IL4R: variants seen among roughly 807,000 people sequenced by gnomAD.
IL4R encodes interleukin 4 receptor.
IL4R carries 17 observed loss-of-function variants against 41.5 expected under a neutral mutation model. The observed-to-expected ratio is 0.41, with a 90% CI of 0.28 to 0.61. IL4R has a LOEUF of 0.61. Among genes scored for constraint, IL4R ranks in the 20% least tolerant of loss-of-function variants. The probability of loss-of-function intolerance (pLI) is 0.31; values close to 1 mark genes in which losing one functional copy is unlikely to be tolerated. For missense variants in IL4R, 974 were observed against 1,043.1 expected (o/e 0.93, Z 0.91); for synonymous variants, 402 against 422.9 (o/e 0.95, Z 0.61).
chr16:27,346,237 A>G (rs559477602), intron 5 of IL4R, among the ~76,000 whole-genome samples: 1 of 152,338 alleles, frequency 6.6e-6, no homozygotes, highest in East Asian at 1.9e-4. Flanking sequence ...AAAAGAAGAA[A>G]AAAAGGGTAA....
At chr16:27,353,061 G>A (rs976235603) in intron 7 of IL4R, among the ~76,000 whole-genome samples, 4 of 152,202 alleles carry the variant, frequency 2.6e-5, no homozygotes, top group Non-Finnish European at 5.9e-5. Context: ...CTACTTTTGT[G>A]TCCTGGTTTC....
At chr16:27,320,825 G>A (rs995921611) in intron 1 of IL4R, among the ~76,000 whole-genome samples, 1 of 152,196 alleles carries the variant, frequency 6.6e-6, no homozygotes, top group Admixed American at 6.5e-5. Flanking sequence ...AGCTGGCAGG[G>A]CCACAGCCTC....
intron 6 of IL4R, among the ~76,000 whole-genome samples, chr16:27,350,302 C>A (rs867832214): frequency 9.9e-5 from 15 of 152,114 alleles, no homozygotes; most frequent in African/African-American, 3.4e-4. Context: ...CTTGTTTGCT[C>A]ATGTTTAGAA....
intron 1 of IL4R, chr16:27,314,362 G>C (rs1424075679): frequency 2.6e-5 from 4 of 152,676 alleles, no homozygotes; most frequent in African/African-American, 7.2e-5. Flanking sequence ...GGGCAGTGGC[G>C]CCCAGCCCTG....
chr16:27,338,604 T>C (rs1283666880), intron 2 of IL4R, among the ~76,000 whole-genome samples: 2 of 152,120 alleles, frequency 1.3e-5, no homozygotes, highest in Non-Finnish European at 2.9e-5. Context: ...CTTCATCCCA[T>C]TGTAGTCATA....
Position 27,352,291 on chromosome 16 carries a change from A to C in IL4R, c.514-249A>C, listed in dbSNP as rs550735634. ...ACAGATGAGATTGAATTATCTCACGAAAACTCAGAAAGGTTAAACAACTTG... is the reference window on the plus strand; with the variant it reads ...ACAGATGAGATTGAATTATCTCACGCAAACTCAGAAAGGTTAAACAACTTG... On this transcript the variant is annotated intron_variant, in intron 6 of 10. Coordinates refer to ENST00000395762, the MANE Select transcript of IL4R (RefSeq NM_000418.4). 2.1e-4 allele frequency among the ~76,000 whole-genome samples: 32 copies of C among 152,348 alleles called. No individual in the cohort carries two copies. The South Asian group carries it at 4.6e-3, about 22-fold the overall frequency.
rs369743148 is a variant in IL4R at position 27,326,594 on chromosome 16, A to G, written c.-151-3472A>G. Reference sequence around the variant, plus strand: ...GGCAGGAGGATCACTTGAGCCCAGGAGTTCAAGGCTGCACTGAGCCGTGAC... The same window carrying G: ...GGCAGGAGGATCACTTGAGCCCAGGGGTTCAAGGCTGCACTGAGCCGTGAC... On this transcript the variant is annotated intron_variant, in intron 1 of 10. Coordinates refer to ENST00000395762, the MANE Select transcript of IL4R (RefSeq NM_000418.4). 2.1e-3 allele frequency among the ~76,000 whole-genome samples: 322 copies of G among 152,288 alleles called. 2 individuals carry two copies. Among genetic ancestry groups the G allele is most frequent in the African/African-American group, 7.3e-3 (305 of 41,572 alleles).
At chr16:27,323,422 T>C (rs2084869182) in intron 1 of IL4R, among the ~76,000 whole-genome samples, 1 of 152,138 alleles carries the variant, frequency 6.6e-6, no homozygotes, top group Non-Finnish European at 1.5e-5. Context: ...AAAAGAGTGG[T>C]GTATAAAAAA....
chr16:27,325,536 T>G (rs1033793832), intron 1 of IL4R, among the ~76,000 whole-genome samples: 30 of 150,890 alleles, frequency 2.0e-4, no homozygotes, highest in Admixed American at 6.6e-4. Context: ...ATCCCACCAT[T>G]GCACTCCAGC....
intron 8 of IL4R, among the ~76,000 whole-genome samples, chr16:27,358,476 T>TTCCCAGGCCA: frequency 6.6e-6 from 1 of 152,212 alleles, no homozygotes; most frequent in East Asian, 1.9e-4. Flanking sequence ...GTCCCCCAGC[T>TTCCCAGGCCA]TCCCAGGCCA....
chr16:27,353,462 ATAAT>A (rs1227360928), intron 7 of IL4R, among the ~76,000 whole-genome samples: 3 of 152,182 alleles, frequency 2.0e-5, no homozygotes, highest in Admixed American at 6.5e-5. Context: ...AGATCTATAA[ATAAT>A]AAGTTCTAGG....
intron 6 of IL4R, 23 bp from the exon 7 acceptor site, chr16:27,352,517 A>T (rs375813212): frequency 5.6e-6 from 9 of 1,610,420 alleles, no homozygotes; most frequent in Non-Finnish European, 7.6e-6. Flanking sequence ...CTGGTGCCCT[A>T]ACATCTCCCT....
rs1038434113 is a variant in IL4R, at chr16:27,364,316, C to T, written c.*486C>T. ...AATGACTTGGGCGGCCTTGGGAAAT[C>T]GATGAGAAATTGAACTTCAGGGAGG... On this transcript the variant is annotated 3_prime_UTR_variant, in exon 11 of 11. Coordinates refer to ENST00000395762, the MANE Select transcript of IL4R (RefSeq NM_000418.4). The T allele has an allele frequency of 1.9e-5, 3 of 159,342 alleles. No homozygotes were observed. Among genetic ancestry groups the T allele is most frequent in the African/African-American group, 4.8e-5 (2 of 41,572 alleles). 9.9% of individuals were successfully genotyped at this position (159,342 alleles called of 1,614,324 possible).
At chr16:27,316,409 T>G (rs2084652420) in intron 1 of IL4R, among the ~76,000 whole-genome samples, 1 of 151,932 alleles carries the variant, frequency 6.6e-6, no homozygotes, top group South Asian at 2.1e-4. Flanking sequence ...AGAGAGAACC[T>G]TTTCTACCTC....
chr16:27,334,755 T>G (rs1200379644), intron 2 of IL4R, among the ~76,000 whole-genome samples: 3 of 152,106 alleles, frequency 2.0e-5, no homozygotes, highest in Admixed American at 6.6e-5. Context: ...GAGACTTTAC[T>G]TTTGTAACTC....
At chr16:27,354,299 C>T (rs2085979430) in intron 7 of IL4R, 1 of 152,226 alleles carries the variant, frequency 6.6e-6, no homozygotes, top group South Asian at 2.1e-4. Flanking sequence ...TGCCATCCTT[C>T]ACATGGTGGC....
intron 7 of IL4R, chr16:27,355,154 TAAAG>T: frequency 6.0e-6 from 2 of 335,964 alleles, no homozygotes; most frequent in South Asian, 2.2e-5. Context: ...AGCAAACATA[TAAAG>T]AAAGAAAGAA....
intron 8 of IL4R, 96 bp downstream of exon 8, chr16:27,356,003 C>T: frequency 1.3e-6 from 1 of 750,776 alleles, no homozygotes; most frequent in Non-Finnish European, 2.3e-6. Context: ...TCCTCTCAGT[C>T]AATAATACGC....
At chr16:27,361,116 C>A in intron 10 of IL4R, 1 of 1,065,570 alleles carries the variant, frequency 9.4e-7, no homozygotes, top group Non-Finnish European at 1.2e-6. Flanking sequence ...TACTTGTCGG[C>A]AAATAGCCAC....
Sources: gnomAD v4.1 joint callset for allele counts (sites outside exome capture counted in the v4.1 genomes callset) on GRCh38, gnomAD v4.1.1 for gene constraint, MANE v1.5 for transcripts, NCBI Gene and HGNC (gene_info 2026-07-23, HGNC 2026-07-21) for gene names.